The following STAU2 variants were observed in gnomAD, a reference collection of about 807,000 sequenced individuals.
STAU2 encodes the protein staufen double-stranded RNA binding protein 2.
Under a neutral mutation model 65.9 loss-of-function variants are expected in STAU2, and 20 were observed. The observed-to-expected ratio is 0.30, with a 90% CI of 0.21 to 0.44. The LOEUF (loss-of-function observed/expected upper bound fraction) is 0.44, where lower values mean the gene tolerates loss of function less well. Ranked by LOEUF, STAU2 falls within the 20% of genes least tolerant of loss-of-function variation. The pLI, the probability that STAU2 is intolerant of heterozygous loss-of-function variation, is 1.00. For synonymous variants in STAU2, 232 were observed against 233.9 expected, an observed-to-expected ratio of 0.99 and a Z score of 0.07; for missense variants, 558 against 683.9, an observed-to-expected ratio of 0.82 and a Z score of 2.05.
intron 6 of STAU2, among the ~76,000 whole-genome samples, chr8:73,643,376 T>A (rs1563477428): frequency 6.6e-6 from 1 of 152,188 alleles, no homozygotes; most frequent in African/African-American, 2.4e-5. Flanking sequence ...ATCACTTGCA[T>A]CTGAGTCCCA....
chr8:73,495,833 T>C (rs926484034), intron 13 of STAU2, among the ~76,000 whole-genome samples: 1 of 151,430 alleles, frequency 6.6e-6, no homozygotes, highest in East Asian at 1.9e-4. Flanking sequence ...AGTTGTAGAA[T>C]TCCATTTTGG....
intron 13 of STAU2, among the ~76,000 whole-genome samples, chr8:73,491,480 C>CA (rs905184331): frequency 1.3e-5 from 2 of 151,750 alleles, no homozygotes; most frequent in African/African-American, 4.8e-5. Context: ...TACTTGTGCA[C>CA]AAAAAAATCA....
chr8:73,650,822 T>C (rs937368231), intron 6 of STAU2, among the ~76,000 whole-genome samples: 3 of 152,214 alleles, frequency 2.0e-5, no homozygotes, highest in Admixed American at 6.5e-5. Flanking sequence ...AAAAGAAAGT[T>C]TCCTTTTCAG....
At position 73,469,501 on chromosome 8, in the gene STAU2, A is replaced by T. The variant is rs200006484; in HGVS notation, c.1531-46799T>A. 1.8e-4 allele frequency among the ~76,000 whole-genome samples: 27 copies of T among 150,828 alleles called. No homozygotes were observed. In the East Asian group the frequency reaches 5.3e-3, roughly 29 times the overall value. ...AAAAAAAAAAAGAAAGTGTGTCTGG[A>T]TGGAGACTGAGTAGAAGGACTGAGT... On this transcript the variant is annotated intron_variant, in intron 13 of 14. Transcript: ENST00000524300.
chr8:73,680,906 C>T (rs1304963816), intron 5 of STAU2, among the ~76,000 whole-genome samples: 1 of 151,896 alleles, frequency 6.6e-6, no homozygotes, highest in Non-Finnish European at 1.5e-5. Context: ...TTAACCCAAT[C>T]TGACACAGAC....
rs1275427084 is a variant in STAU2, at chr8:73,673,245, GT to G, written c.275-4del. On this transcript the variant is annotated splice_polypyrimidine_tract_variant and splice_region_variant and intron_variant, in intron 5 of 14. Transcript: ENST00000524300. ...TTCCACAGTTGGAGTTATACTGCCT[GT>G]TTAAAAAAAAAACATTAAAGGCACA... The G allele has an allele frequency of 4.5e-6, 7 of 1,541,192 alleles. No homozygotes were observed. Among genetic ancestry groups the G allele is most frequent in the Non-Finnish European group, 5.2e-6 (6 of 1,147,366 alleles).
chr8:73,598,914 A>G (rs1184201075), intron 10 of STAU2, among the ~76,000 whole-genome samples: 2 of 152,222 alleles, frequency 1.3e-5, no homozygotes, highest in Non-Finnish European at 2.9e-5. Flanking sequence ...TTAAATGAAA[A>G]TCAAATACCT....
intron 6 of STAU2, among the ~76,000 whole-genome samples, chr8:73,639,557 C>T (rs997341105): frequency 1.3e-5 from 2 of 152,200 alleles, no homozygotes; most frequent in African/African-American, 2.4e-5. Context: ...CCCTCATGCT[C>T]GACAACCTTC....
At chr8:73,743,460 T>G (rs1807027199) in intron 1 of STAU2, among the ~76,000 whole-genome samples, 1 of 132,250 alleles carries the variant, frequency 7.6e-6, no homozygotes, top group Admixed American at 9.6e-5. Flanking sequence ...ACTTGCCTTC[T>G]TTTTAATTTT....
intron 4 of STAU2, among the ~76,000 whole-genome samples, chr8:73,691,205 C>A (rs1819302430): frequency 6.6e-6 from 1 of 152,086 alleles, no homozygotes; most frequent in African/African-American, 2.4e-5. Context: ...AAAGGTCAAA[C>A]AAAACACTGC....
Position 73,615,739 on chromosome 8 carries a change from T to A in STAU2, c.614A>T (p.Asn205Ile). 6.2e-7 allele frequency: 1 copy of A among 1,613,784 alleles called. No homozygotes were observed. The highest frequency in any genetic ancestry group is 1.1e-5 in the South Asian group (1 of 91,068). The part of the protein sequence containing the change: ...GKDVDDDKDA[N>I]KSEISLVFEI... ...AAACACTAAGCTGATCTCAGACTTATTTGCATCTTTGTCATCATCCACATC... is the reference window on the plus strand; with the variant it reads ...AAACACTAAGCTGATCTCAGACTTAATTGCATCTTTGTCATCATCCACATC... Residue 205 changes from asparagine to isoleucine, a missense_variant, in exon 8 of 15, where the codon AAT (asparagine) becomes ATT (isoleucine). Around this residue, in one of 3 missense-constraint regions of STAU2, gnomAD observed 199 missense variants for 299.5 expected, o/e 0.66. Transcript: ENST00000524300.
chr8:73,654,377 C>A (rs1816131941), intron 6 of STAU2, among the ~76,000 whole-genome samples: 1 of 151,966 alleles, frequency 6.6e-6, no homozygotes, highest in East Asian at 1.9e-4. Context: ...ACTGTCCAGG[C>A]ACACTGGCTG....
At chr8:73,574,028 A>T (rs1363773173) in intron 12 of STAU2, among the ~76,000 whole-genome samples, 5 of 152,240 alleles carry the variant, frequency 3.3e-5, no homozygotes, top group Non-Finnish European at 1.5e-5. Flanking sequence ...TGATATCCAG[A>T]ATCTACAAAG....
intron 1 of STAU2, among the ~76,000 whole-genome samples, chr8:73,746,104 A>G (rs1177011949): frequency 6.6e-6 from 1 of 152,110 alleles, no homozygotes; most frequent in Non-Finnish European, 1.5e-5. Context: ...AGTTCGTAAC[A>G]GCCACAGCAG....
chr8:73,435,890 C>A (rs1333741287), intron 13 of STAU2, among the ~76,000 whole-genome samples: 1 of 151,836 alleles, frequency 6.6e-6, no homozygotes, highest in African/African-American at 2.4e-5. Context: ...GAGGGAAGCA[C>A]CTCTCGCCCG....
In STAU2 at chr8:73,431,339, CAATT is replaced by C. The variant is rs544094539; in HGVS notation, c.1531-8641_1531-8638del. Among the ~76,000 whole-genome samples the C allele has an allele frequency of 1.1e-3, 146 of 135,250 alleles. 1 individual carries two copies. The highest frequency in any genetic ancestry group is 4.2e-3 in the African/African-American group (139 of 33,072). The allele number at this position is 135,250 out of a possible 152,430, so 88.7% of individuals were successfully genotyped here. On this transcript the variant is annotated intron_variant, in intron 13 of 14. Transcript: ENST00000524300. The stretch of plus-strand genomic sequence containing the variant: ...TGGAATCTTAAACTCAGCTTTATGA[CAATT>C]AATATGTTCCAGGATTTTAAAAAAA...
intron 13 of STAU2, among the ~76,000 whole-genome samples, chr8:73,446,929 G>A (rs1818500607): frequency 6.6e-6 from 1 of 152,094 alleles, no homozygotes; most frequent in Non-Finnish European, 1.5e-5. Flanking sequence ...CATCTTATTT[G>A]TTATATTCTT....
At chr8:73,509,858 G>A (rs1386650976) in intron 13 of STAU2, among the ~76,000 whole-genome samples, 1 of 152,034 alleles carries the variant, frequency 6.6e-6, no homozygotes, top group South Asian at 2.1e-4. Context: ...CTTATGCAGA[G>A]GAAATTTCTT....
At chr8:73,552,680 T>A (rs918639846) in intron 12 of STAU2, among the ~76,000 whole-genome samples, 2 of 152,078 alleles carry the variant, frequency 1.3e-5, no homozygotes, top group Non-Finnish European at 2.9e-5. Context: ...TTATATCTCA[T>A]AAAAGAGGCA....
Sources: gnomAD v4.1 joint callset for allele counts (sites outside exome capture counted in the v4.1 genomes callset) on GRCh38, gnomAD v4.1.1 for gene constraint, gnomAD v4.1.1 regional missense constraint, MANE v1.5 for transcripts, NCBI Gene and HGNC (gene_info 2026-07-23, HGNC 2026-07-21) for gene names.